Variants in MYDGF observed in about 807,000 individuals in gnomAD.
MYDGF encodes myeloid-derived growth factor.
MYDGF carries 29 observed loss-of-function variants against 24.2 expected under a neutral mutation model. The observed-to-expected ratio is 1.20, with a 90% CI of 0.89 to 1.63. MYDGF has a LOEUF of 1.63. Among genes scored for constraint, MYDGF ranks in the 40% most tolerant of loss-of-function variants. The pLI, the probability that MYDGF is intolerant of heterozygous loss-of-function variation, is 0.00. For missense variants in MYDGF, 245 were observed against 234.8 expected (o/e 1.04, Z -0.29); for synonymous variants, 105 against 102.5 (o/e 1.02, Z -0.15).
chr19:4,659,415 G>A (rs1599835427), intron 5 of MYDGF, among the ~76,000 whole-genome samples: 1 of 151,794 alleles, frequency 6.6e-6, no homozygotes, highest in Non-Finnish European at 1.5e-5. Context: ...AGTAGAGATG[G>A]GGTTTCATTA....
chr19:4,660,499 C>CT, intron 4 of MYDGF, 170 bp downstream of exon 4: 6 of 606,376 alleles, frequency 9.9e-6, no homozygotes, highest in Non-Finnish European at 1.7e-5. Context: ...TGCCCCTGGC[C>CT]TGGGGGCGTC....
At position 4,670,232 on chromosome 19, in the gene MYDGF, G is replaced by T. The variant is rs555549058; in HGVS notation, c.103C>A (p.Pro35Thr). 18 of 1,571,270 alleles carry T rather than the reference G, an allele frequency of 1.1e-5. No homozygotes were observed. The highest frequency in any genetic ancestry group is 1.5e-5 in the Non-Finnish European group (18 of 1,161,644). ...ALRPAEAVSE[P>T]TTVAFDVRPG... ...CGCACGTCAAACGCCACCGTCGTGG[G>T]CTCGGACACCGCCTCCGCCGGCCTC... Residue 35 changes from proline to threonine, a missense_variant, in exon 1 of 6, where the codon CCC (proline) becomes ACC (threonine). By Grantham distance (38) the Pro-to-Thr change is conservative. Transcript: ENST00000262947.
rs748344312 is a variant in MYDGF, at chr19:4,658,047, G to A, written c.480C>T (p.Ser160=). 1.5e-5 allele frequency: 24 copies of A among 1,611,960 alleles called. No homozygotes were observed. The South Asian group carries it at 2.5e-4, about 17-fold the overall frequency. The change falls in exon 6 of 6, where the codon TCC becomes TCT. Residue 160 remains serine (S), a synonymous_variant. Transcript: ENST00000262947. ...ATGCCTTGGCCACAATCACCAGCTT[G>A]GACAGCTCAGCTTTGAATGCCCCGG... ...HRPGAFKAEL[S]KLVIVAKASR...
chr19:4,664,585 G>A (rs1442508719), intron 3 of MYDGF, among the ~76,000 whole-genome samples: 3 of 152,020 alleles, frequency 2.0e-5, no homozygotes, highest in South Asian at 4.1e-4. Flanking sequence ...CTGGGCCCTG[G>A]TCCACGCTCC....
chr19:4,660,113 C>A lies in MYDGF; in HGVS notation c.370-110G>T. ...CACAGACTAAAGCTTTCTACTTTTA[C>A]TAGAGATGGAGAGGAGACTTTTTTG... On this transcript the variant is annotated intron_variant, in intron 4 of 5. Coordinates refer to ENST00000262947, the MANE Select transcript of MYDGF (RefSeq NM_019107.4). The A allele has an allele frequency of 1.8e-6, 2 of 1,090,610 alleles. No homozygotes were observed. Among genetic ancestry groups the A allele is most frequent in the South Asian group, 2.5e-5 (2 of 79,092 alleles). 67.6% of individuals were successfully genotyped at this position (1,090,610 alleles called of 1,614,324 possible).
intron 4 of MYDGF, 31 bp downstream of exon 4, chr19:4,660,638 C>T (rs751418048): frequency 1.3e-6 from 2 of 1,599,862 alleles, no homozygotes; most frequent in Admixed American, 1.7e-5. Context: ...AGAAGCCACA[C>T]CCGGAGCCTG....
chr19:4,665,419 G>A (rs911789181), intron 2 of MYDGF, among the ~76,000 whole-genome samples: 19 of 151,996 alleles, frequency 1.3e-4, no homozygotes, highest in Admixed American at 3.9e-4. Context: ...TGCCCAGGCT[G>A]GTCTCAACCT....
intron 5 of MYDGF, 111 bp downstream of exon 5, chr19:4,659,820 G>C: frequency 1.1e-6 from 1 of 902,052 alleles, no homozygotes; most frequent in African/African-American, 1.6e-5. Context: ...GTGGATGCCT[G>C]GTCTACAGTC....
chr19:4,667,909 G>C (rs545200981), intron 2 of MYDGF, among the ~76,000 whole-genome samples: 1 of 152,180 alleles, frequency 6.6e-6, no homozygotes, highest in South Asian at 2.1e-4. Context: ...ACCATGCCTT[G>C]CCTGTGATAC....
At chr19:4,663,994 GA>G (rs2145186497) in intron 3 of MYDGF, among the ~76,000 whole-genome samples, 1 of 151,784 alleles carries the variant, frequency 6.6e-6, no homozygotes, top group South Asian at 2.1e-4. Context: ...ACTCAGCCAG[GA>G]AAAGAAATGA....
At chr19:4,659,855 C>G (rs752715136) in intron 5 of MYDGF, 76 bp downstream of exon 5, 43 of 1,354,448 alleles carry the variant, frequency 3.2e-5, no homozygotes, top group Non-Finnish European at 4.1e-5. Context: ...GGCTGACCCC[C>G]CTCTCCAAAC....
chr19:4,667,872 A>G (rs1241342581), intron 2 of MYDGF, among the ~76,000 whole-genome samples: 1 of 151,666 alleles, frequency 6.6e-6, no homozygotes, highest in Non-Finnish European at 1.5e-5. Flanking sequence ...TAATTTTTTT[A>G]TTTTCTGTAG....
intron 2 of MYDGF, among the ~76,000 whole-genome samples, chr19:4,668,228 T>C (rs926240955): frequency 1.3e-5 from 2 of 152,232 alleles, no homozygotes; most frequent in Admixed American, 1.3e-4. Flanking sequence ...ACAACTGAGC[T>C]GACCCAGACT....
chr19:4,666,568 G>A (rs907144447), intron 2 of MYDGF, among the ~76,000 whole-genome samples: 9 of 151,470 alleles, frequency 5.9e-5, no homozygotes, highest in East Asian at 2.0e-4. Context: ...GAGCCACCGC[G>A]CCCAGCCCAG....
chr19:4,669,082 T>G (rs2145190370), intron 1 of MYDGF, among the ~76,000 whole-genome samples: 1 of 152,250 alleles, frequency 6.6e-6, no homozygotes, highest in Non-Finnish European at 1.5e-5. Context: ...GAGCCTCTAG[T>G]TTCTCTCTGT....
chr19:4,663,905 G>A (rs2088500751), intron 3 of MYDGF, among the ~76,000 whole-genome samples: 1 of 150,722 alleles, frequency 6.6e-6, no homozygotes, highest in East Asian at 2.0e-4. Flanking sequence ...GCCTGGAGGG[G>A]CTCCCTGCCT....
intron 3 of MYDGF, among the ~76,000 whole-genome samples, chr19:4,662,413 C>T (rs2088478133): frequency 6.6e-6 from 1 of 152,224 alleles, no homozygotes; most frequent in Non-Finnish European, 1.5e-5. Flanking sequence ...CTGAAGCCCC[C>T]GACCCCCTCC....
chr19:4,667,420 G>A (rs573109532), intron 2 of MYDGF, among the ~76,000 whole-genome samples: 2 of 151,998 alleles, frequency 1.3e-5, no homozygotes, highest in African/African-American at 2.4e-5. Context: ...GAGCCAGTGC[G>A]CCTGGCTCGC....
In MYDGF at chr19:4,657,598, C is replaced by T. The variant is rs1222482725; in HGVS notation, c.*407G>A. On this transcript the variant is annotated 3_prime_UTR_variant, in exon 6 of 6. Coordinates refer to ENST00000262947, the MANE Select transcript of MYDGF (RefSeq NM_019107.4). Reference sequence around the variant, plus strand: ...ATATGAAAAAACATTTCATCTCTTCCCAGTTCATCTGAAAGGAGGTCCCCT... The same window carrying T: ...ATATGAAAAAACATTTCATCTCTTCTCAGTTCATCTGAAAGGAGGTCCCCT... The T allele has an allele frequency of 6.3e-6, 1 of 158,908 alleles. No individual in the cohort carries two copies. The highest frequency in any genetic ancestry group is 6.4e-5 in the Admixed American group (1 of 15,668). The allele number at this position is 158,908 out of a possible 1,614,324, so 9.8% of individuals were successfully genotyped here.
Sources: allele counts gnomAD v4.1 joint callset (sites outside exome capture counted in the v4.1 genomes callset), GRCh38; gene constraint gnomAD v4.1.1; transcripts MANE v1.5; gene names NCBI Gene and HGNC (gene_info 2026-07-23, HGNC 2026-07-21).